The following KIAA2012 variants were observed in gnomAD, a reference collection of about 807,000 sequenced individuals.
KIAA2012 encodes uncharacterized protein KIAA2012.
A neutral mutation model predicts 150.6 loss-of-function variants in KIAA2012; 125 were observed. The ratio of observed to expected loss-of-function variants is 0.83; its 90% CI spans 0.72 to 0.96. KIAA2012 has a LOEUF of 0.96. Among genes scored for constraint, KIAA2012 ranks in the 40% least tolerant of loss-of-function variants. The pLI is 0.00. For missense variants in KIAA2012, 1,219 were observed against 1,354.9 expected (o/e 0.90, Z 1.57); for synonymous variants, 462 against 504.7 (o/e 0.92, Z 1.13).
Position 202,177,573 on chromosome 2 carries a change from G to A in KIAA2012, c.2120-7180G>A, listed in dbSNP as rs550161522. Among the ~76,000 whole-genome samples the A allele has an allele frequency of 4.6e-5, 7 of 152,250 alleles. No individual in the cohort carries two copies. The South Asian group carries it at 1.5e-3, about 32-fold the overall frequency. ...CACAAGCCCTTTTTCTTTTTTTAGAGATGGGGTCTCTCTATGTTGCCCAGG... is the reference window on the plus strand; with the variant it reads ...CACAAGCCCTTTTTCTTTTTTTAGAAATGGGGTCTCTCTATGTTGCCCAGG... On this transcript the variant is annotated intron_variant, in intron 15 of 23. Transcript: ENST00000498697.
In KIAA2012 at chr2:202,073,523, T is replaced by C; in HGVS notation, c.-105T>C. ...TTAATAAAAGGCCCTGTGTTTGTGG[T>C]CTTCTTGGGCTTGCTGTGAGCTCTG... On this transcript the variant is annotated 5_prime_UTR_variant, in exon 1 of 24. Transcript: ENST00000498697. 1 of 928,966 alleles carries C rather than the reference T, an allele frequency of 1.1e-6. No individual in the cohort carries two copies. Among genetic ancestry groups the C allele is most frequent in the Non-Finnish European group, 1.6e-6 (1 of 612,284 alleles). The allele number at this position is 928,966 out of a possible 1,614,324, so 57.5% of individuals were successfully genotyped here.
intron 14 of KIAA2012, among the ~76,000 whole-genome samples, chr2:202,164,979 A>C (rs572200985): frequency 4.0e-4 from 61 of 151,516 alleles, no homozygotes; most frequent in Non-Finnish European, 7.5e-4. Context: ...GGGTCTTGCT[A>C]TGTTGCCCAG....
intron 4 of KIAA2012, 78 bp downstream of exon 4, chr2:202,093,263 C>G (rs1689778223): frequency 1.4e-6 from 2 of 1,434,170 alleles, no homozygotes; most frequent in Non-Finnish European, 1.9e-6. Flanking sequence ...ATGGCATTTC[C>G]CAAAACAAGG....
chr2:202,122,036 C>T, intron 11 of KIAA2012, among the ~76,000 whole-genome samples: 1 of 152,104 alleles, frequency 6.6e-6, no homozygotes, highest in East Asian at 1.9e-4. Flanking sequence ...ACGTAGAGAA[C>T]ACGTGGATAA....
At chr2:202,123,143 G>A (rs956205342) in intron 11 of KIAA2012, among the ~76,000 whole-genome samples, 18 of 152,194 alleles carry the variant, frequency 1.2e-4, no homozygotes, top group African/African-American at 4.1e-4. Context: ...GGAAAACCCT[G>A]AGAGCAAACT....
chr2:202,128,714 C>CTT (rs68128318), intron 12 of KIAA2012, among the ~76,000 whole-genome samples: 11 of 137,394 alleles, frequency 8.0e-5, no homozygotes, highest in African/African-American at 2.2e-4. Context: ...TGAAACAGGC[C>CTT]TTTTTTTTTT....
At chr2:202,194,562 G>T (rs1692379883) in intron 21 of KIAA2012, among the ~76,000 whole-genome samples, 200 bp downstream of exon 21, 1 of 152,232 alleles carries the variant, frequency 6.6e-6, no homozygotes, top group African/African-American at 2.4e-5. Context: ...TGACTTGCTT[G>T]TGGAAATGAC....
intron 12 of KIAA2012, 148 bp downstream of exon 12, chr2:202,125,430 T>G (rs1415304066): frequency 1.5e-6 from 1 of 670,432 alleles, no homozygotes; most frequent in Admixed American, 2.8e-5. Context: ...TTGGAAAGCC[T>G]GAGAAATGTG....
chr2:202,138,151 A>G (rs1309606893), intron 12 of KIAA2012: 5 of 228,722 alleles, frequency 2.2e-5, no homozygotes, highest in African/African-American at 6.8e-5. Context: ...TTTTAATAGC[A>G]TAAAGAATTT....
chr2:202,193,524 A>G, intron 20 of KIAA2012, 21 bp downstream of exon 20: 1 of 1,549,214 alleles, frequency 6.5e-7, no homozygotes, highest in South Asian at 1.2e-5. Flanking sequence ...CAAGCCAAAG[A>G]GACTACAGCC....
chr2:202,128,025 C>T (rs1273863438), intron 12 of KIAA2012, among the ~76,000 whole-genome samples: 6 of 152,122 alleles, frequency 3.9e-5, no homozygotes, highest in Non-Finnish European at 8.8e-5. Context: ...GACTTTTACC[C>T]CTTGTCCTAG....
chr2:202,160,765 T>C (rs2105718016), intron 14 of KIAA2012, among the ~76,000 whole-genome samples: 2 of 152,360 alleles, frequency 1.3e-5, no homozygotes, highest in Middle Eastern at 6.8e-3. Flanking sequence ...TCATGTATCA[T>C]ATGGTATGTT....
chr2:202,145,678 C>CTTT (rs36059685), intron 13 of KIAA2012, among the ~76,000 whole-genome samples: 215 of 75,336 alleles, frequency 2.9e-3, no homozygotes, highest in East Asian at 3.4e-3. Context: ...TTGAGAGGGT[C>CTTT]TTTTTTTTTT....
Position 202,097,834 on chromosome 2 carries a change from C to T in KIAA2012, c.828+257C>T, listed in dbSNP as rs1689932441. 2.6e-5 allele frequency among the ~76,000 whole-genome samples: 4 copies of T among 152,250 alleles called. No homozygotes were observed. In the South Asian group the frequency reaches 8.3e-4, roughly 32 times the overall value. ...CAAACCCCTGAGCTCGGGCAATCTG[C>T]TGGCTTCAGCCTCCCAAAGTGCTAG... On this transcript the variant is annotated intron_variant, in intron 5 of 23. Coordinates refer to ENST00000498697, the MANE Select transcript of KIAA2012 (RefSeq NM_001277372.4).
At chr2:202,161,452 T>C (rs1691655303) in intron 14 of KIAA2012, among the ~76,000 whole-genome samples, 1 of 152,078 alleles carries the variant, frequency 6.6e-6, no homozygotes, top group African/African-American at 2.4e-5. Flanking sequence ...AAATATAACA[T>C]GTGCAATTTT....
intron 4 of KIAA2012, among the ~76,000 whole-genome samples, chr2:202,096,883 G>A (rs1401471086): frequency 6.6e-6 from 1 of 152,192 alleles, no homozygotes; most frequent in Non-Finnish European, 1.5e-5. Flanking sequence ...GATCCTTCCT[G>A]AGGGTTGCAG....
intron 15 of KIAA2012, among the ~76,000 whole-genome samples, chr2:202,181,155 A>G (rs1484910002): frequency 6.6e-6 from 1 of 152,116 alleles, no homozygotes; most frequent in Non-Finnish European, 1.5e-5. Flanking sequence ...TTTTTTGTAG[A>G]GACAGGATCT....
At chr2:202,121,430 A>G (rs2105934498) in intron 11 of KIAA2012, among the ~76,000 whole-genome samples, 1 of 152,338 alleles carries the variant, frequency 6.6e-6, no homozygotes, top group Middle Eastern at 3.4e-3. Flanking sequence ...AAATTCCAAT[A>G]TGAAATATGG....
chr2:202,087,463 A>T (rs1219688601), intron 2 of KIAA2012, among the ~76,000 whole-genome samples: 1 of 137,898 alleles, frequency 7.3e-6, no homozygotes, highest in Non-Finnish European at 1.5e-5. Flanking sequence ...TAGTGAACCA[A>T]GTTAGTGCCA....
Sources: gnomAD v4.1 joint callset for allele counts (sites outside exome capture counted in the v4.1 genomes callset) on GRCh38, gnomAD v4.1.1 for gene constraint, MANE v1.5 for transcripts, NCBI Gene and HGNC (gene_info 2026-07-23, HGNC 2026-07-21) for gene names.